The following INPP5A variants were observed in gnomAD, a reference collection of about 807,000 sequenced individuals.
INPP5A encodes the protein inositol polyphosphate-5-phosphatase A, also known as 43 kDa inositol polyphosphate 5-phophatase.
INPP5A carries 14 observed loss-of-function variants against 65.2 expected under a neutral mutation model. The ratio of observed to expected loss-of-function variants is 0.21; its 90% CI spans 0.14 to 0.34. The LOEUF is 0.34. Among genes scored for constraint, INPP5A ranks in the 10% least tolerant of loss-of-function variants. The pLI, the probability that INPP5A is intolerant of heterozygous loss-of-function variation, is 1.00. For missense variants in INPP5A, 431 were observed against 545.6 expected (o/e 0.79, Z 2.09); for synonymous variants, 207 against 208.3 (o/e 0.99, Z 0.05).
At position 132,762,662 on chromosome 10, in the gene INPP5A, T is replaced by C. The variant is rs1230385018; in HGVS notation, c.904-3111T>C. Among the ~76,000 whole-genome samples, 1 of 152,048 alleles carries C rather than the reference T, an allele frequency of 6.6e-6. No homozygotes were observed. The highest frequency in any genetic ancestry group is 2.4e-5 in the African/African-American group (1 of 41,384). On this transcript the variant is annotated intron_variant, in intron 11 of 15. Coordinates refer to ENST00000368594, the MANE Select transcript of INPP5A (RefSeq NM_005539.5). This position sits in a 1 kb window ranked among gnomAD's most constrained non-coding sequence, Gnocchi z 4.6. ...AACATTTGTGTAAAGCTTAAAAACA[T>C]GTAGGCTGAGGCGAGCTGCTTTTTG...
intron 4 of INPP5A, among the ~76,000 whole-genome samples, chr10:132,657,581 G>A (rs960797536): frequency 2.6e-5 from 4 of 151,058 alleles, no homozygotes; most frequent in East Asian, 1.9e-4. Flanking sequence ...AGTACCCAGC[G>A]GTGGCCCAGG....
intron 8 of INPP5A, among the ~76,000 whole-genome samples, chr10:132,715,856 C>T (rs1297777141): frequency 2.6e-5 from 4 of 152,166 alleles, no homozygotes; most frequent in African/African-American, 7.2e-5. Context: ...TCAGGGTGGC[C>T]GAGGTCATGT....
chr10:132,769,273 C>A (rs536185728), intron 12 of INPP5A, among the ~76,000 whole-genome samples: 1 of 152,316 alleles, frequency 6.6e-6, no homozygotes, highest in Admixed American at 6.5e-5. Flanking sequence ...AATTTTTGTC[C>A]TTAACTAAAA....
At chr10:132,731,020 A>G (rs1477801146) in intron 9 of INPP5A, among the ~76,000 whole-genome samples, 3 of 152,222 alleles carry the variant, frequency 2.0e-5, no homozygotes, top group African/African-American at 7.2e-5. Flanking sequence ...CTGTCCAGCC[A>G]GCTTGGGCTC....
chr10:132,728,444 G>T (rs928708736), intron 9 of INPP5A, among the ~76,000 whole-genome samples: 1 of 152,220 alleles, frequency 6.6e-6, no homozygotes, highest in African/African-American at 2.4e-5. Context: ...TGCGGGACCC[G>T]GGAGCAAGGC....
chr10:132,658,542 C>T lies in INPP5A; in HGVS notation c.306+8037C>T, dbSNP rs117824661. The stretch of plus-strand genomic sequence containing the variant: ...GGTTAATTTCATGGTCGGCTCCGTG[C>T]GTTCTGAGCAGACGGGTGTTTCCTG... On this transcript the variant is annotated intron_variant, in intron 4 of 15. Transcript: ENST00000368594. 6.7e-3 allele frequency among the ~76,000 whole-genome samples: 1,024 copies of T among 152,336 alleles called. 5 individuals carry two copies. Among genetic ancestry groups the T allele is most frequent in the South Asian group, 0.024 (118 of 4,818 alleles).
intron 6 of INPP5A, among the ~76,000 whole-genome samples, chr10:132,703,812 T>C (rs1229027983): frequency 1.7e-4 from 4 of 23,610 alleles, no homozygotes; most frequent in Non-Finnish European, 2.9e-4. Context: ...TTGGCTTCAC[T>C]CCCACACACA....
rs2072951757 is a variant in INPP5A at position 132,675,529 on chromosome 10, G to T, written c.307-14863G>T. ...AGTGTAAAACACGGAGAGAAGTGCG[G>T]TTGAGCATGGGGGTGGGTGCGTGTG... On this transcript the variant is annotated intron_variant, in intron 4 of 15. Coordinates refer to ENST00000368594, the MANE Select transcript of INPP5A (RefSeq NM_005539.5). The surrounding 1 kb of genome is among the most constrained non-coding windows in gnomAD (Gnocchi z 4.2). 6.6e-6 allele frequency among the ~76,000 whole-genome samples: 1 copy of T among 152,210 alleles called. No homozygotes were observed.
rs575635677 is a variant in INPP5A at position 132,719,003 on chromosome 10, G to A, written c.648-7818G>A. Among the ~76,000 whole-genome samples the A allele has an allele frequency of 6.1e-3, 761 of 124,704 alleles. 13 individuals carry two copies. Among genetic ancestry groups the A allele is most frequent in the Admixed American group, 7.9e-3 (97 of 12,226 alleles). 81.8% of individuals were successfully genotyped at this position (124,704 alleles called of 152,430 possible). ...TGTGGTACCTGGGTTCTGTCTGGGCGCCTTAGACGACTGTCTTGCGGGTTC... is the reference window on the plus strand; with the variant it reads ...TGTGGTACCTGGGTTCTGTCTGGGCACCTTAGACGACTGTCTTGCGGGTTC... On this transcript the variant is annotated intron_variant, in intron 8 of 15. Transcript: ENST00000368594.
chr10:132,563,418 T>C (rs2071231156), intron 1 of INPP5A, among the ~76,000 whole-genome samples: 1 of 152,212 alleles, frequency 6.6e-6, no homozygotes, highest in Non-Finnish European at 1.5e-5. Flanking sequence ...GCACCAGCTG[T>C]GATTAAATCA....
At chr10:132,548,661 G>A (rs1431495934) in intron 1 of INPP5A, among the ~76,000 whole-genome samples, 3 of 152,172 alleles carry the variant, frequency 2.0e-5, no homozygotes, top group Admixed American at 6.5e-5. Flanking sequence ...CGCCAGTTTC[G>A]CCTGCGCCGA....
chr10:132,780,471 C>G (rs144394606), intron 13 of INPP5A, among the ~76,000 whole-genome samples: 1 of 152,240 alleles, frequency 6.6e-6, no homozygotes, highest in Admixed American at 6.5e-5. Flanking sequence ...AAAGCTGGGG[C>G]GCACACACTC....
chr10:132,690,727 A>G (rs888219675), intron 5 of INPP5A, among the ~76,000 whole-genome samples: 5 of 152,258 alleles, frequency 3.3e-5, no homozygotes, highest in Non-Finnish European at 7.4e-5. Flanking sequence ...CTGTGTTCCC[A>G]TCCAGTGTGA....
chr10:132,703,590 CAT>C (rs1845475392), intron 6 of INPP5A, among the ~76,000 whole-genome samples: 1 of 147,990 alleles, frequency 6.8e-6, no homozygotes, highest in African/African-American at 2.5e-5. Context: ...CCTGCACACA[CAT>C]GGCTTCACAC....
chr10:132,755,229 G>A (rs1008729208), intron 11 of INPP5A, among the ~76,000 whole-genome samples: 2 of 151,970 alleles, frequency 1.3e-5, no homozygotes, highest in Admixed American at 6.6e-5. Flanking sequence ...GTGTGAGCAG[G>A]CGTGTACATG....
chr10:132,741,351 G>A lies in INPP5A; in HGVS notation c.733-8166G>A, dbSNP rs1370721591. On this transcript the variant is annotated intron_variant, in intron 9 of 15. Transcript: ENST00000368594. This position sits in a 1 kb window ranked among gnomAD's most constrained non-coding sequence, Gnocchi z 4.4. ...AACAGTGGGCAGCTCCGTGTCTGTGGGTCACAAGTGGTTGGTCTCAGTCTG... is the reference window on the plus strand; with the variant it reads ...AACAGTGGGCAGCTCCGTGTCTGTGAGTCACAAGTGGTTGGTCTCAGTCTG... Among the ~76,000 whole-genome samples the A allele has an allele frequency of 3.9e-5, 6 of 152,330 alleles. No individual in the cohort carries two copies. The highest frequency in any genetic ancestry group is 3.4e-3 in the Middle Eastern group (1 of 294).
chr10:132,562,176 C>G (rs1053675897), intron 1 of INPP5A, among the ~76,000 whole-genome samples: 1 of 152,242 alleles, frequency 6.6e-6, no homozygotes, highest in Non-Finnish European at 1.5e-5. Context: ...GCCTGGCGTC[C>G]TCCTCCTGCT....
chr10:132,617,992 A>G (rs1393081519), intron 2 of INPP5A, among the ~76,000 whole-genome samples: 4 of 152,154 alleles, frequency 2.6e-5, no homozygotes, highest in Non-Finnish European at 5.9e-5. Flanking sequence ...ATATTTTATG[A>G]TATAGTTAGG....
rs913044753 is a variant in INPP5A at position 132,546,952 on chromosome 10, A to G, written c.75+8781A>G. Among the ~76,000 whole-genome samples the G allele has an allele frequency of 1.3e-5, 2 of 151,972 alleles. No individual in the cohort carries two copies. The highest frequency in any genetic ancestry group is 2.1e-4 in the South Asian group (1 of 4,818). On this transcript the variant is annotated intron_variant, in intron 1 of 15. Transcript: ENST00000368594. The surrounding 1 kb of genome is among the most constrained non-coding windows in gnomAD (Gnocchi z 5.7). ...CTGGCCCTGGTTAGCAGGCTGTGTC[A>G]TCTGCCGCAGACAGCCTTCCTTTCT...
Sources: gnomAD v4.1 joint callset for allele counts (sites outside exome capture counted in the v4.1 genomes callset) on GRCh38, gnomAD v4.1.1 for gene constraint, Gnocchi (gnomAD v3.1) non-coding constraint, MANE v1.5 for transcripts, NCBI Gene and HGNC (gene_info 2026-07-23, HGNC 2026-07-21) for gene names.